Variants in VANGL1 observed in about 807,000 individuals in gnomAD.
VANGL1 encodes VANGL planar cell polarity protein 1, also known as vang-like protein 1.
A neutral mutation model predicts 48.4 loss-of-function variants in VANGL1; 18 were observed. The ratio of observed to expected loss-of-function variants is 0.37; its 90% CI spans 0.26 to 0.55. The LOEUF (loss-of-function observed/expected upper bound fraction) is 0.55, where lower values mean the gene tolerates loss of function less well. Among genes scored for constraint, VANGL1 ranks in the 20% least tolerant of loss-of-function variants. The pLI, the probability that VANGL1 is intolerant of heterozygous loss-of-function variation, is 0.81. For synonymous variants in VANGL1, 257 were observed against 261.8 expected (o/e 0.98, Z 0.18); for missense variants, 667 against 675.8 (o/e 0.99, Z 0.14).
At chr1:115,656,268 C>G (rs961017610) in intron 2 of VANGL1, among the ~76,000 whole-genome samples, 1 of 152,204 alleles carries the variant, frequency 6.6e-6, no homozygotes, top group African/African-American at 2.4e-5. Context: ...TGCAGCTGAG[C>G]ATTACACTCA....
intron 3 of VANGL1, among the ~76,000 whole-genome samples, chr1:115,662,118 A>G (rs539055446): frequency 1.3e-5 from 2 of 152,184 alleles, no homozygotes; most frequent in African/African-American, 4.8e-5. Flanking sequence ...CTCTCACTGT[A>G]GGTGATACTT....
chr1:115,642,110 G>A (rs1651754473), intron 1 of VANGL1, 24 bp downstream of exon 1: 1 of 151,616 alleles, frequency 6.6e-6, no homozygotes, highest in Non-Finnish European at 1.5e-5. Flanking sequence ...GAGGCCGAGC[G>A]CTGCGCGGCG....
At position 115,682,387 on chromosome 1, in the gene VANGL1, T is replaced by C; in HGVS notation, c.836T>C (p.Val279Ala). Residue 279 changes from valine (V) to alanine (A), a missense_variant, in exon 5 of 8, where the codon GTC becomes GCC. Physicochemically the swap from Val to Ala is moderately conservative, Grantham distance 64. Coordinates refer to ENST00000355485, the MANE Select transcript of VANGL1 (RefSeq NM_138959.3). ...AGTATCCAGCGAGCAGCATTGGTGGTCCTAGAAAATTACTACAAAGATTTC... is the reference window on the plus strand; with the variant it reads ...AGTATCCAGCGAGCAGCATTGGTGGCCCTAGAAAATTACTACAAAGATTTC... ...HLSIQRAALV[V>A]LENYYKDFTI... 1 of 1,614,168 alleles carries C rather than the reference T, an allele frequency of 6.2e-7. No individual in the cohort carries two copies. The highest frequency in any genetic ancestry group is 8.5e-7 in the Non-Finnish European group (1 of 1,180,036).
intron 1 of VANGL1, among the ~76,000 whole-genome samples, chr1:115,645,714 T>G (rs188111640): frequency 1.2e-3 from 178 of 152,328 alleles, no homozygotes; most frequent in African/African-American, 3.9e-3. Context: ...GAATGTTAGC[T>G]TCAAGACATA....
chr1:115,679,411 C>A (rs192265814), intron 4 of VANGL1, among the ~76,000 whole-genome samples: 1 of 152,354 alleles, frequency 6.6e-6, no homozygotes, highest in East Asian at 1.9e-4. Context: ...CTTCCTGGGA[C>A]GCCAGGACTT....
At chr1:115,674,430 G>A (rs974225403) in intron 4 of VANGL1, among the ~76,000 whole-genome samples, 1 of 152,174 alleles carries the variant, frequency 6.6e-6, no homozygotes, top group Non-Finnish European at 1.5e-5. Flanking sequence ...TGCTTTTGAT[G>A]GAGTTGGAGA....
At chr1:115,658,023 C>T (rs1016457216) in intron 2 of VANGL1, among the ~76,000 whole-genome samples, 1 of 152,196 alleles carries the variant, frequency 6.6e-6, no homozygotes, top group African/African-American at 2.4e-5. Flanking sequence ...CCAGACACCT[C>T]TCACCAGGCC....
At chr1:115,655,909 G>A (rs535010417) in intron 2 of VANGL1, among the ~76,000 whole-genome samples, 6 of 152,350 alleles carry the variant, frequency 3.9e-5, no homozygotes, top group African/African-American at 1.4e-4. Context: ...TGAATGCCAG[G>A]ATTTTTGCAG....
chr1:115,658,929 A>G (rs1652443140), intron 2 of VANGL1, among the ~76,000 whole-genome samples: 1 of 151,662 alleles, frequency 6.6e-6, no homozygotes, highest in Admixed American at 6.6e-5. Flanking sequence ...GGAGGTCTGA[A>G]ACCCTCCCCA....
chr1:115,670,212 G>A (rs991103312), intron 4 of VANGL1, among the ~76,000 whole-genome samples: 5 of 152,202 alleles, frequency 3.3e-5, no homozygotes, highest in African/African-American at 4.8e-5. Context: ...TGGCTAGAAC[G>A]TTGATCTTGG....
intron 4 of VANGL1, among the ~76,000 whole-genome samples, chr1:115,665,181 A>G (rs1162526348): frequency 6.6e-6 from 1 of 152,278 alleles, no homozygotes; most frequent in Admixed American, 6.5e-5. Context: ...TCCACAGACT[A>G]TGAACTCCCT....
In VANGL1 at chr1:115,688,537, G is replaced by A. The variant is rs540476456; in HGVS notation, c.1315-2582G>A. Among the ~76,000 whole-genome samples, 17 of 138,464 alleles carry A rather than the reference G, an allele frequency of 1.2e-4. 3 individuals are homozygous for A. The highest frequency in any genetic ancestry group is 4.3e-4 in the African/African-American group (16 of 36,834). The allele number at this position is 138,464 out of a possible 152,430, so 90.8% of individuals were successfully genotyped here. A position where few individuals can be genotyped will look rare whatever the true frequency, so the allele number is the denominator to read the frequency against. On this transcript the variant is annotated intron_variant, in intron 7 of 7. Transcript: ENST00000355485. Reference sequence around the variant, plus strand: ...AACCCCTGGTTTAAACAGCATTGTGGTGAATACTTTTTTACATATGTATTT... The same window carrying A: ...AACCCCTGGTTTAAACAGCATTGTGATGAATACTTTTTTACATATGTATTT...
intron 1 of VANGL1, among the ~76,000 whole-genome samples, chr1:115,643,664 A>G (rs915522485): frequency 6.6e-6 from 1 of 152,184 alleles, no homozygotes; most frequent in African/African-American, 2.4e-5. Flanking sequence ...TTTGAGAGTG[A>G]TATATTTGTA....
rs1557775287 is a variant in VANGL1, at chr1:115,684,006, G to A, written c.1009G>A (p.Asp337Asn). ...AMIAAAARRR[D>N]SSHNELYYEE... ...GATTGCTGCAGCTGCTCGGCGCAGG[G>A]ACTCAAGCCACAACGAGTTGTATTA... is the stretch of plus-strand genomic sequence containing the variant. Residue 337 changes from aspartate (D) to asparagine (N), a missense_variant, in exon 6 of 8, where the codon GAC (aspartate) becomes AAC (asparagine). Physicochemically the swap from Asp to Asn is conservative, Grantham distance 23. Transcript: ENST00000355485. 1 of 1,614,114 alleles carries A rather than the reference G, an allele frequency of 6.2e-7. No individual in the cohort carries two copies. The highest frequency in any genetic ancestry group is 1.7e-5 in the Admixed American group (1 of 60,032).
At position 115,685,423 on chromosome 1, in the gene VANGL1, G is replaced by T. The variant is rs775571796; in HGVS notation, c.1210G>T (p.Ala404Ser). 4 of 1,614,132 alleles carry T rather than the reference G, an allele frequency of 2.5e-6. No homozygotes were observed. The highest frequency in any genetic ancestry group is 3.4e-6 in the Non-Finnish European group (4 of 1,180,026). Reference sequence around the variant, plus strand: ...GGCCATTTTCCCCTCCATGGCCAGGGCTCTCCAGAAGTACCTGCGCATCAC... The same window carrying T: ...GGCCATTTTCCCCTCCATGGCCAGGTCTCTCCAGAAGTACCTGCGCATCAC... ...AQAIFPSMAR[A>S]LQKYLRITRQ... Residue 404 changes from alanine (A) to serine (S), a missense_variant, in exon 7 of 8, where the codon GCT (alanine) becomes TCT (serine). Coordinates refer to ENST00000355485, the MANE Select transcript of VANGL1 (RefSeq NM_138959.3).
intron 7 of VANGL1, 51 bp downstream of exon 7, chr1:115,685,578 G>T (rs145052406): frequency 4.0e-5 from 63 of 1,587,760 alleles, no homozygotes; most frequent in Non-Finnish European, 5.0e-5. Context: ...TTGTCACTGA[G>T]CTTGGCCAGT....
At chr1:115,666,333 G>C (rs1380145444) in intron 4 of VANGL1, among the ~76,000 whole-genome samples, 1 of 152,194 alleles carries the variant, frequency 6.6e-6, no homozygotes, top group Admixed American at 6.5e-5. Context: ...CTGTACGACT[G>C]GTTGAGCTGC....
At chr1:115,666,473 CAGAGCTGGATGGG>C (rs1652793984) in intron 4 of VANGL1, among the ~76,000 whole-genome samples, 1 of 152,162 alleles carries the variant, frequency 6.6e-6, no homozygotes, top group Non-Finnish European at 1.5e-5. Flanking sequence ...CTGGTCAGGG[CAGAGCTGGATGGG>C]AGAAGCCAGA....
At chr1:115,660,668 T>C (rs974825853) in intron 3 of VANGL1, among the ~76,000 whole-genome samples, 3 of 152,066 alleles carry the variant, frequency 2.0e-5, no homozygotes, top group Non-Finnish European at 4.4e-5. Context: ...ATAAACAAAG[T>C]GGTGTATGAT....
Sources: gnomAD v4.1 joint callset for allele counts (sites outside exome capture counted in the v4.1 genomes callset) on GRCh38, gnomAD v4.1.1 for gene constraint, MANE v1.5 for transcripts, NCBI Gene and HGNC (gene_info 2026-07-23, HGNC 2026-07-21) for gene names.